Variants in CADM2 observed in about 807,000 individuals in gnomAD.
The protein encoded by CADM2 is cell adhesion molecule 2.
In CADM2, 12 loss-of-function variants were observed where a neutral mutation model predicts 49.8. The observed-to-expected ratio is 0.24, with a 90% CI of 0.15 to 0.39. CADM2 has a LOEUF of 0.39. Among genes scored for constraint, CADM2 ranks in the 10% least tolerant of loss-of-function variants. The pLI, the probability that CADM2 is intolerant of heterozygous loss-of-function variation, is 1.00. For missense variants in CADM2, 378 were observed against 492.3 expected (o/e 0.77, Z 2.20); for synonymous variants, 214 against 175.4 (o/e 1.22, Z -1.74).
chr3:85,484,454 C>T (rs1230959395), intron 1 of CADM2, among the ~76,000 whole-genome samples: 2 of 151,918 alleles, frequency 1.3e-5, no homozygotes, highest in African/African-American at 2.4e-5. Context: ...CTTCTCCCTA[C>T]CATTTCCTCA....
intron 8 of CADM2, among the ~76,000 whole-genome samples, chr3:85,988,425 T>A (rs923573097): frequency 3.3e-5 from 5 of 152,170 alleles, no homozygotes; most frequent in Admixed American, 6.5e-5. Context: ...AGTTTTAGTA[T>A]CAGAACTGCT....
chr3:85,526,124 T>G (rs1452823916), intron 1 of CADM2, among the ~76,000 whole-genome samples: 1 of 148,536 alleles, frequency 6.7e-6, no homozygotes, highest in Non-Finnish European at 1.5e-5. Flanking sequence ...TAGTGGAACT[T>G]GAAAATTCTC....
At chr3:85,465,835 T>G (rs1393304906) in intron 1 of CADM2, among the ~76,000 whole-genome samples, 2 of 152,174 alleles carry the variant, frequency 1.3e-5, no homozygotes, top group Non-Finnish European at 2.9e-5. Flanking sequence ...GCTGTATCTT[T>G]GTTGACTAGT....
intron 1 of CADM2, among the ~76,000 whole-genome samples, chr3:85,213,329 C>A (rs934170926): frequency 1.3e-5 from 2 of 151,862 alleles, no homozygotes; most frequent in African/African-American, 4.8e-5. Context: ...AATATTTTCA[C>A]TGGATATACT....
At chr3:85,181,837 A>G (rs2040943583) in intron 1 of CADM2, among the ~76,000 whole-genome samples, 1 of 150,252 alleles carries the variant, frequency 6.7e-6, no homozygotes, top group Non-Finnish European at 1.5e-5. Flanking sequence ...CTTTTTAAAT[A>G]TACTTTTTAA....
intron 3 of CADM2, among the ~76,000 whole-genome samples, chr3:85,832,709 G>A (rs948840738): frequency 1.3e-5 from 2 of 151,882 alleles, no homozygotes; most frequent in African/African-American, 2.4e-5. Flanking sequence ...CCCTTTGATG[G>A]AGTCTAGAGT....
intron 1 of CADM2, among the ~76,000 whole-genome samples, chr3:85,601,472 T>C (rs1260033895): frequency 6.6e-6 from 1 of 151,384 alleles, no homozygotes; most frequent in African/African-American, 2.4e-5. Flanking sequence ...TAACATCACA[T>C]AAAATATGAA....
Position 86,013,562 on chromosome 3 carries a change from C to A in CADM2, c.970+51915C>A, listed in dbSNP as rs1214932459. 16 of 1,602,658 alleles carry A rather than the reference C, an allele frequency of 1.0e-5. No homozygotes were observed. The Admixed American group carries it at 1.0e-4, about 10-fold the overall frequency. ...CACAGCAGAGGCAGATGGTAGAGAT[C>A]TGTGAGAGCTGTATTCGAGAAGAAA... On this transcript the variant is annotated intron_variant, in intron 8 of 9. Coordinates refer to ENST00000383699, the MANE Select transcript of CADM2 (RefSeq NM_001167675.2).
chr3:85,738,185 T>A (rs2107816196), intron 2 of CADM2, among the ~76,000 whole-genome samples: 1 of 151,906 alleles, frequency 6.6e-6, no homozygotes, highest in Admixed American at 6.5e-5. Context: ...CACAATGGCA[T>A]AGGATTGTGA....
chr3:85,336,946 TATATATTTAATATATATATTAA>T (rs1301253081), intron 1 of CADM2, among the ~76,000 whole-genome samples: 6 of 48,384 alleles, frequency 1.2e-4, no homozygotes, highest in South Asian at 7.0e-4. Flanking sequence ...ACTAAATATA[TATATATTTAATATATATATTAA>T]ATATATATTT....
At chr3:85,918,663 T>A (rs1485785455) in intron 6 of CADM2, among the ~76,000 whole-genome samples, 1 of 152,054 alleles carries the variant, frequency 6.6e-6, no homozygotes, top group Non-Finnish European at 1.5e-5. Context: ...CTTTTAAAAC[T>A]GAAATTTAAG....
At chr3:85,663,517 A>G (rs2065473731) in intron 1 of CADM2, among the ~76,000 whole-genome samples, 1 of 152,018 alleles carries the variant, frequency 6.6e-6, no homozygotes, top group Non-Finnish European at 1.5e-5. Flanking sequence ...TGCCACCAAC[A>G]CTTTCTTCCC....
intron 1 of CADM2, among the ~76,000 whole-genome samples, chr3:85,086,509 C>CTT (rs61269529): frequency 2.8e-4 from 29 of 102,304 alleles, no homozygotes; most frequent in African/African-American, 8.5e-4. Context: ...CAAGAATAAA[C>CTT]TTTTTTTTTT....
At chr3:85,568,473 C>CTCTCTTTCTTTCCT (rs1310030589) in intron 1 of CADM2, among the ~76,000 whole-genome samples, 1 of 27,612 alleles carries the variant, frequency 3.6e-5, no homozygotes, top group Admixed American at 3.8e-4. Flanking sequence ...CTCTTTCTCT[C>CTCTCTTTCTTTCCT]TCTTTCTTTC....
At chr3:85,318,902 C>G (rs1468206307) in intron 1 of CADM2, among the ~76,000 whole-genome samples, 2 of 152,174 alleles carry the variant, frequency 1.3e-5, no homozygotes, top group East Asian at 3.9e-4. Context: ...TTCATTCACC[C>G]TGATGAATAA....
intron 1 of CADM2, among the ~76,000 whole-genome samples, chr3:85,005,364 A>G (rs2033668495): frequency 6.6e-6 from 1 of 152,170 alleles, no homozygotes; most frequent in East Asian, 1.9e-4. Flanking sequence ...TGCCTCATGG[A>G]TCATGGCTAA....
chr3:85,761,395 A>G lies in CADM2; in HGVS notation c.88+34847A>G, dbSNP rs1203711147. On this transcript the variant is annotated intron_variant, in intron 2 of 9. Coordinates refer to ENST00000383699, the MANE Select transcript of CADM2 (RefSeq NM_001167675.2). Reference sequence around the variant, plus strand: ...TTTTTTTTTTTTTTTTTTTTTGGAGACAGAATCTCACTCTGTCTCCAGGCT... The same window carrying G: ...TTTTTTTTTTTTTTTTTTTTTGGAGGCAGAATCTCACTCTGTCTCCAGGCT... 2.8e-5 allele frequency among the ~76,000 whole-genome samples: 3 copies of G among 107,630 alleles called. No homozygotes were observed. In the East Asian group the frequency reaches 7.6e-4, roughly 27 times the overall value. 70.6% of individuals were successfully genotyped at this position (107,630 alleles called of 152,430 possible). A position where few individuals can be genotyped will look rare whatever the true frequency, so the allele number is the denominator to read the frequency against.
At chr3:85,691,621 C>G (rs1701072865) in intron 1 of CADM2, among the ~76,000 whole-genome samples, 1 of 152,200 alleles carries the variant, frequency 6.6e-6, no homozygotes, top group African/African-American at 2.4e-5. Context: ...CATCCCATTA[C>G]TGGGTATATA....
At position 86,068,398 on chromosome 3, in the gene CADM2, A is replaced by G. The variant is rs1739554522; in HGVS notation, c.*1615A>G. 6.6e-6 allele frequency: 1 copy of G among 151,986 alleles called. No homozygotes were observed. The highest frequency in any genetic ancestry group is 1.5e-5 in the Non-Finnish European group (1 of 67,868). The allele number at this position is 151,986 out of a possible 1,614,324, so 9.4% of individuals were successfully genotyped here. ...CTCCAGTTAGATTTAAAAAAATCCC[A>G]TTTACAAGCATTGCACCTTTAAGAA... On this transcript the variant is annotated 3_prime_UTR_variant, in exon 10 of 10. Transcript: ENST00000383699.
Sources: allele counts gnomAD v4.1 joint callset (sites outside exome capture counted in the v4.1 genomes callset), GRCh38; gene constraint gnomAD v4.1.1; transcripts MANE v1.5; gene names NCBI Gene and HGNC (gene_info 2026-07-23, HGNC 2026-07-21).